The following SGPL1 variants were observed in gnomAD, a reference collection of about 807,000 sequenced individuals.
SGPL1 encodes SP-lyase 1.
Under a neutral mutation model 68.9 loss-of-function variants are expected in SGPL1, and 37 were observed. The observed-to-expected ratio is 0.54, with a 90% confidence interval of 0.41 to 0.71. The LOEUF (loss-of-function observed/expected upper bound fraction) is 0.71. SGPL1 is among the 30% of genes least tolerant of loss of function. SGPL1 has a pLI of 0.00. For missense variants in SGPL1, 551 were observed against 704.6 expected, an observed-to-expected ratio of 0.78 and a Z score of 2.47; for synonymous variants, 236 against 248.5, an observed-to-expected ratio of 0.95 and a Z score of 0.47.
At chr10:70,827,739 G>A (rs934407579) in intron 2 of SGPL1, among the ~76,000 whole-genome samples, 1 of 152,098 alleles carries the variant, frequency 6.6e-6, no homozygotes, top group African/African-American at 2.4e-5. Context: ...ATCCAGGTCA[G>A]TAAATATTTA....
intron 4 of SGPL1, among the ~76,000 whole-genome samples, chr10:70,851,458 C>G (rs868725934): frequency 1.3e-5 from 2 of 151,702 alleles, no homozygotes; most frequent in African/African-American, 4.8e-5. Flanking sequence ...AGGGCAGCCC[C>G]CCCCCACCCA....
In SGPL1 at chr10:70,868,377, G is replaced by A; in HGVS notation, c.648G>A (p.Met216Ile). ...CTGGGGGAACAGAAAGCATACTGAT[G>A]GCCTGCAAAGCATATCGGGATCTGG... Reference protein sequence around the residue: ...VTSGGTESILMACKAYRDLAF... With the variant: ...VTSGGTESILIACKAYRDLAF... Residue 216 changes from methionine (M) to isoleucine (I), a missense_variant, in exon 8 of 15, where the codon ATG becomes ATA. By Grantham distance (10) the Met-to-Ile change is conservative. Transcript: ENST00000373202. 1.9e-6 allele frequency: 3 copies of A among 1,613,498 alleles called. No homozygotes were observed. The highest frequency in any genetic ancestry group is 1.7e-6 in the Non-Finnish European group (2 of 1,179,700).
chr10:70,861,543 C>T (rs1323864638), intron 7 of SGPL1, among the ~76,000 whole-genome samples: 1 of 152,232 alleles, frequency 6.6e-6, no homozygotes, highest in East Asian at 1.9e-4. Flanking sequence ...ACTTTGGCGG[C>T]ACTTGAGGAG....
intron 3 of SGPL1, among the ~76,000 whole-genome samples, chr10:70,846,404 C>T (rs1845793209): frequency 6.6e-6 from 1 of 151,650 alleles, no homozygotes; most frequent in Non-Finnish European, 1.5e-5. Flanking sequence ...AAAAATCAGT[C>T]TCTGCTTATC....
intron 2 of SGPL1, among the ~76,000 whole-genome samples, chr10:70,841,747 C>T (rs1172944863): frequency 6.6e-6 from 1 of 152,060 alleles, no homozygotes; most frequent in Non-Finnish European, 1.5e-5. Context: ...AGTATCTGTC[C>T]TTTTTCTAAG....
rs561483557 is a variant in SGPL1 at position 70,863,771 on chromosome 10, G to A, written c.615+4272G>A. Reference sequence around the variant, plus strand: ...CTATTTTTCTTTACTTGAACATCAGGGTTGAGAAAAACAGTTTTTCTTTTC... The same window carrying A: ...CTATTTTTCTTTACTTGAACATCAGAGTTGAGAAAAACAGTTTTTCTTTTC... On this transcript the variant is annotated intron_variant, in intron 7 of 14. Transcript: ENST00000373202. Among the ~76,000 whole-genome samples the A allele has an allele frequency of 1.2e-4, 19 of 152,302 alleles. No individual in the cohort carries two copies. The South Asian group carries it at 2.9e-3, about 23-fold the overall frequency.
chr10:70,876,698 AT>A, intron 14 of SGPL1, 37 bp downstream of exon 14: 1 of 1,586,016 alleles, frequency 6.3e-7, no homozygotes, highest in Non-Finnish European at 8.6e-7. Context: ...TCTCTTGGAA[AT>A]TTAGGTGTTG....
intron 2 of SGPL1, among the ~76,000 whole-genome samples, chr10:70,842,412 G>A (rs1223061691): frequency 1.3e-5 from 2 of 152,130 alleles, no homozygotes; most frequent in Non-Finnish European, 2.9e-5. Flanking sequence ...GGATTAGCCC[G>A]TTCTTGCATT....
chr10:70,870,705 A>G (rs1846277615), intron 9 of SGPL1, among the ~76,000 whole-genome samples: 1 of 152,192 alleles, frequency 6.6e-6, no homozygotes, highest in Admixed American at 6.5e-5. Flanking sequence ...GTTCACAGAT[A>G]AGGAACAGAC....
intron 2 of SGPL1, among the ~76,000 whole-genome samples, chr10:70,817,498 G>A (rs967651401): frequency 6.6e-6 from 1 of 152,104 alleles, no homozygotes; most frequent in Admixed American, 6.5e-5. Flanking sequence ...CTATTTACAG[G>A]CATAATCATA....
chr10:70,857,168 T>C (rs1564626795), intron 5 of SGPL1: 1 of 167,528 alleles, frequency 6.0e-6, no homozygotes, highest in Non-Finnish European at 1.3e-5. Flanking sequence ...CACTTTTCAT[T>C]TTGCTTTCTT....
intron 2 of SGPL1, among the ~76,000 whole-genome samples, chr10:70,843,414 A>G (rs1845746890): frequency 6.6e-6 from 1 of 152,266 alleles, no homozygotes; most frequent in Non-Finnish European, 1.5e-5. Flanking sequence ...GTGAATGAAT[A>G]GTAAACTATA....
chr10:70,851,067 A>G, intron 3 of SGPL1, 76 bp from the exon 4 acceptor site: 1 of 1,111,054 alleles, frequency 9.0e-7, no homozygotes. Context: ...GGTGGAAGAC[A>G]CATTGAATGG....
intron 2 of SGPL1, among the ~76,000 whole-genome samples, chr10:70,825,915 C>G (rs1433582161): frequency 1.3e-5 from 2 of 152,206 alleles, no homozygotes; most frequent in Non-Finnish European, 2.9e-5. Flanking sequence ...GGCGCGGTGG[C>G]TCACGCCTGT....
chr10:70,868,725 G>C (rs1427854426), intron 8 of SGPL1, among the ~76,000 whole-genome samples: 1 of 152,030 alleles, frequency 6.6e-6, no homozygotes, highest in African/African-American at 2.4e-5. Flanking sequence ...AGAGTTTGAG[G>C]ACTACATCTT....
Position 70,873,381 on chromosome 10 carries a change from G to T in SGPL1, c.1090G>T (p.Val364Leu). Residue 364 changes from valine to leucine, a missense_variant, in exon 12 of 15, where the codon GTG (valine) becomes TTG (leucine). Physicochemically the swap from Val to Leu is conservative, Grantham distance 32. Transcript: ENST00000373202. Reference protein sequence around the residue: ...YGYAPKGSSLVLYSDKKYRNY... With the variant: ...YGYAPKGSSLLLYSDKKYRNY... The stretch of plus-strand genomic sequence containing the variant: ...CTATGCCCCAAAAGGCTCATCATTG[G>T]TGTTGTATAGTGACAAGAAGTACAG... 1.2e-6 allele frequency: 2 copies of T among 1,614,198 alleles called. No individual in the cohort carries two copies. Among genetic ancestry groups the T allele is most frequent in the South Asian group, 1.1e-5 (1 of 91,082 alleles).
chr10:70,851,165 G>C lies in SGPL1; in HGVS notation c.216G>C (p.Lys72Asn). Reference sequence around the variant, plus strand: ...TAGGTTTATGGTCAAGGTTTAAAAAGAAATGTTTTAAGCTCACCAGGAAGA... The same window carrying C: ...TAGGTTTATGGTCAAGGTTTAAAAACAAATGTTTTAAGCTCACCAGGAAGA... ...QPESLWSRFK[K>N]KCFKLTRKMP... Residue 72 changes from lysine (K) to asparagine (N), a missense_variant, in exon 4 of 15, where the codon AAG (lysine) becomes AAC (asparagine). Transcript: ENST00000373202. 1 of 1,613,820 alleles carries C rather than the reference G, an allele frequency of 6.2e-7. No homozygotes were observed. Among genetic ancestry groups the C allele is most frequent in the South Asian group, 1.1e-5 (1 of 91,076 alleles).
In SGPL1 at chr10:70,873,341, T is replaced by A. The variant is rs1393519327; in HGVS notation, c.1060-10T>A. The stretch of plus-strand genomic sequence containing the variant: ...ACTCTCACTTTTCTTGTCTGCTACT[T>A]CTTCCACAGTATGGCTATGCCCCAA... On this transcript the variant is annotated splice_polypyrimidine_tract_variant and intron_variant, in intron 11 of 14. Transcript: ENST00000373202. 6 of 1,602,634 alleles carry A rather than the reference T, an allele frequency of 3.7e-6. No individual in the cohort carries two copies. Among genetic ancestry groups the A allele is most frequent in the Non-Finnish European group, 5.1e-6 (6 of 1,169,604 alleles).
intron 4 of SGPL1, among the ~76,000 whole-genome samples, chr10:70,854,172 T>TA (rs1219046245): frequency 4.4e-5 from 6 of 137,646 alleles, no homozygotes; most frequent in Non-Finnish European, 9.1e-5. Context: ...GGGTGCAACT[T>TA]TTTTTTTTTT....
Sources: gnomAD v4.1 joint callset for allele counts (sites outside exome capture counted in the v4.1 genomes callset) on GRCh38, gnomAD v4.1.1 for gene constraint, MANE v1.5 for transcripts, NCBI Gene and HGNC (gene_info 2026-07-23, HGNC 2026-07-21) for gene names.